GRM8: variants seen among roughly 807,000 people sequenced by gnomAD.
GRM8 encodes the protein glutamate metabotropic receptor 8.
Under a neutral mutation model 87.2 loss-of-function variants are expected in GRM8, and 47 were observed. That is an observed-to-expected ratio of 0.54 (90% CI 0.43 to 0.69). The LOEUF (loss-of-function observed/expected upper bound fraction) is 0.69, where lower values mean the gene tolerates loss of function less well. GRM8 is among the 30% of genes least tolerant of loss of function. GRM8 has a pLI of 0.00. For missense variants in GRM8, 1,019 were observed against 1,139.2 expected (o/e 0.89, Z 1.52); for synonymous variants, 396 against 404.5 (o/e 0.98, Z 0.25).
At chr7:127,123,038 G>C (rs1396483763) in intron 2 of GRM8, among the ~76,000 whole-genome samples, 1 of 152,018 alleles carries the variant, frequency 6.6e-6, no homozygotes, top group Admixed American at 6.6e-5. Flanking sequence ...GCAGGAGATG[G>C]AATAAGCAAA....
At chr7:126,453,532 A>G (rs1345336409) in intron 9 of GRM8, among the ~76,000 whole-genome samples, 2 of 151,708 alleles carry the variant, frequency 1.3e-5, no homozygotes, top group African/African-American at 2.4e-5. Flanking sequence ...GAAACTAGCT[A>G]AAGAGAATGA....
chr7:127,023,028 T>A (rs1480008734), intron 3 of GRM8, among the ~76,000 whole-genome samples: 2 of 152,112 alleles, frequency 1.3e-5, no homozygotes, highest in African/African-American at 4.8e-5. Flanking sequence ...CTTAGTCTTG[T>A]GTGGTCTAGC....
intron 7 of GRM8, among the ~76,000 whole-genome samples, chr7:126,642,807 G>A (rs1048845309): frequency 3.3e-5 from 5 of 152,170 alleles, no homozygotes; most frequent in Admixed American, 6.5e-5. Flanking sequence ...AGAAGCTTCC[G>A]ATCTAGTTCT....
At chr7:126,901,111 A>G (rs2131190437) in intron 6 of GRM8, among the ~76,000 whole-genome samples, 1 of 152,170 alleles carries the variant, frequency 6.6e-6, no homozygotes. Context: ...TCCTCTCGCG[A>G]TATTCACTCT....
intron 9 of GRM8, among the ~76,000 whole-genome samples, chr7:126,496,044 T>C (rs1444678071): frequency 6.6e-6 from 1 of 152,022 alleles, no homozygotes; most frequent in Non-Finnish European, 1.5e-5. Context: ...TCCAGAGTCC[T>C]GAGCTACTTG....
chr7:126,652,186 T>G (rs1160382545), intron 7 of GRM8, among the ~76,000 whole-genome samples: 6 of 152,246 alleles, frequency 3.9e-5, no homozygotes, highest in Admixed American at 3.9e-4. Flanking sequence ...TACTTCATAT[T>G]AGCGTTTAAG....
chr7:126,814,968 C>G (rs1458419598), intron 6 of GRM8, among the ~76,000 whole-genome samples: 6 of 152,204 alleles, frequency 3.9e-5, no homozygotes, highest in Non-Finnish European at 2.9e-5. Context: ...GCTGTTGTCT[C>G]TCTATACCAG....
At chr7:127,053,800 G>GGT (rs71992456) in intron 3 of GRM8, among the ~76,000 whole-genome samples, 3 of 136,312 alleles carry the variant, frequency 2.2e-5, no homozygotes, top group South Asian at 2.7e-4. Flanking sequence ...AAAAAAAAAG[G>GGT]GGGGGGGGAA....
At chr7:126,672,790 A>G (rs1074728) in intron 7 of GRM8, among the ~76,000 whole-genome samples, 82,852 of 151,724 alleles carry the variant, frequency 0.55, 22,957 homozygotes, top group Non-Finnish European at 0.56. Flanking sequence ...AACGTGGTGT[A>G]TCTGTTCTTA....
chr7:127,057,225 T>C (rs10263988), intron 3 of GRM8, among the ~76,000 whole-genome samples: 6,359 of 152,258 alleles, frequency 0.042, 453 homozygotes, highest in African/African-American at 0.15. Context: ...AACTCATTTC[T>C]AAACATGTAA....
intron 3 of GRM8, among the ~76,000 whole-genome samples, chr7:127,007,359 TA>T (rs1339772368): frequency 6.6e-6 from 1 of 151,964 alleles, no homozygotes; most frequent in Non-Finnish European, 1.5e-5. Context: ...GGTAAAAATA[TA>T]AGGGTTTCTA....
At chr7:126,617,991 C>A (rs1386460315) in intron 7 of GRM8, among the ~76,000 whole-genome samples, 1 of 152,174 alleles carries the variant, frequency 6.6e-6, no homozygotes, top group East Asian at 1.9e-4. Flanking sequence ...CATCAAGCTA[C>A]CAATGACTTT....
At chr7:126,521,440 C>A (rs865814691) in intron 9 of GRM8, among the ~76,000 whole-genome samples, 1 of 151,912 alleles carries the variant, frequency 6.6e-6, no homozygotes, top group African/African-American at 2.4e-5. Flanking sequence ...CAAAAACCTA[C>A]AATTAGTGTG....
chr7:127,086,981 G>GA, intron 3 of GRM8, among the ~76,000 whole-genome samples: 2 of 152,302 alleles, frequency 1.3e-5, no homozygotes, highest in East Asian at 3.9e-4. Flanking sequence ...AAGCTGGGGA[G>GA]AAAACTAAAG....
At chr7:127,038,273 C>T (rs1240409970) in intron 3 of GRM8, among the ~76,000 whole-genome samples, 1 of 151,994 alleles carries the variant, frequency 6.6e-6, no homozygotes, top group Non-Finnish European at 1.5e-5. Flanking sequence ...TGTACACATA[C>T]CTGAAGCCAC....
intron 3 of GRM8, among the ~76,000 whole-genome samples, chr7:126,980,805 CT>C (rs751958620): frequency 4.9e-4 from 74 of 152,272 alleles, no homozygotes; most frequent in Non-Finnish European, 9.7e-4. Context: ...CTAAAACAAC[CT>C]CCCCAAAAGG....
At chr7:126,507,304 A>G (rs1360950616) in intron 9 of GRM8, among the ~76,000 whole-genome samples, 1 of 152,112 alleles carries the variant, frequency 6.6e-6, no homozygotes, top group Non-Finnish European at 1.5e-5. Context: ...TTGTGACCTC[A>G]GGCAAATCAC....
At chr7:126,467,577 C>A (rs1356082032) in intron 9 of GRM8, among the ~76,000 whole-genome samples, 1 of 151,700 alleles carries the variant, frequency 6.6e-6, no homozygotes, top group Non-Finnish European at 1.5e-5. Flanking sequence ...ATTTTATTTA[C>A]TCTTTTACAT....
intron 2 of GRM8, among the ~76,000 whole-genome samples, chr7:127,205,453 G>A (rs1457815045): frequency 6.6e-6 from 1 of 152,100 alleles, no homozygotes; most frequent in Non-Finnish European, 1.5e-5. Flanking sequence ...CCTGTAATAT[G>A]CACAAAACCA....
Sources: allele counts gnomAD v4.1 joint callset (sites outside exome capture counted in the v4.1 genomes callset), GRCh38; gene constraint gnomAD v4.1.1; transcripts MANE v1.5; gene names NCBI Gene and HGNC (gene_info 2026-07-23, HGNC 2026-07-21).